MATK: variants seen among roughly 807,000 people sequenced by gnomAD.
The protein encoded by MATK is megakaryocyte-associated tyrosine kinase.
Under a neutral mutation model 59.8 loss-of-function variants are expected in MATK, and 41 were observed. The observed-to-expected ratio is 0.69, with a 90% CI of 0.53 to 0.89. The LOEUF is 0.89. Among genes scored for constraint, MATK ranks in the 40% least tolerant of loss-of-function variants. The pLI is 0.00. For missense variants in MATK, 593 were observed against 719.6 expected (o/e 0.82, Z 2.01); for synonymous variants, 308 against 306.1 (o/e 1.01, Z -0.06).
chr19:3,778,645 C>G, intron 12 of MATK, 50 bp from the exon 13 acceptor site: 1 of 1,552,996 alleles, frequency 6.4e-7, no homozygotes, highest in Non-Finnish European at 8.7e-7. Context: ...GTTTTCTGCT[C>G]CAGCCCCTGC....
At position 3,783,889 on chromosome 19, in the gene MATK, G is replaced by C. The variant is rs759720167; in HGVS notation, c.507C>G (p.Tyr169Ter). 1 of 1,613,158 alleles carries C rather than the reference G, an allele frequency of 6.2e-7. No individual in the cohort carries two copies. The highest frequency in any genetic ancestry group is 1.7e-5 in the Admixed American group (1 of 60,016). ...GGTGGCCGTCGCGGTGCAGCACGCG[G>C]TAGTGGATGACGTCGCGGCCAAAGC... is the stretch of plus-strand genomic sequence containing the variant. ...CVSFGRDVIH[Y>*]RVLHRDGHLT... The change falls in exon 6 of 14, where the codon TAC (tyrosine) becomes TAG (stop). Residue 169 changes from tyrosine (Y) to a stop codon, truncating the protein, a stop_gained. Coordinates refer to ENST00000310132, the MANE Select transcript of MATK (RefSeq NM_139355.3). LOFTEE classifies it high-confidence loss of function.
chr19:3,786,605 T>G (rs1419900431), upstream of MATK, among the ~76,000 whole-genome samples: 17 of 130,814 alleles, frequency 1.3e-4, no homozygotes. This position sits in a 1 kb window ranked among gnomAD's most constrained non-coding sequence, Gnocchi z 4.1. Flanking sequence ...GGACCGGGGG[T>G]GAGGGAGAGT....
Position 3,779,629 on chromosome 19 carries a change from G to A in MATK, c.843-12C>T. On this transcript the variant is annotated splice_polypyrimidine_tract_variant and intron_variant, in intron 9 of 13. Transcript: ENST00000310132. ...CGTGTTGCATCTTCCTGGGGGCGGT[G>A]GGGTGGGCGTGAGGGCAGGGCTGGG... The A allele has an allele frequency of 1.2e-6, 2 of 1,611,864 alleles. No individual in the cohort carries two copies. The highest frequency in any genetic ancestry group is 1.1e-5 in the South Asian group (1 of 91,042).
chr19:3,780,709 G>A (rs996290222), intron 8 of MATK, among the ~76,000 whole-genome samples: 9 of 151,804 alleles, frequency 5.9e-5, no homozygotes, highest in Non-Finnish European at 1.2e-4. Flanking sequence ...TGGGATTACA[G>A]GCATGAGCCA....
intron 8 of MATK, among the ~76,000 whole-genome samples, chr19:3,780,931 G>A (rs146243705): frequency 7.3e-5 from 11 of 149,692 alleles, no homozygotes; most frequent in African/African-American, 2.0e-4. Context: ...GTCTCGCTAC[G>A]TTGTCCAGGC....
At chr19:3,798,969 C>CT (rs1288664874) in intron 1 of MATK, among the ~76,000 whole-genome samples, 2 of 148,794 alleles carry the variant, frequency 1.3e-5, no homozygotes, top group African/African-American at 5.0e-5. Context: ...TCATACCTGG[C>CT]TATTTTTTTT....
At position 3,779,338 on chromosome 19, in the gene MATK, G is replaced by A. The variant is rs200899340; in HGVS notation, c.1001+40C>T. On this transcript the variant is annotated intron_variant, in intron 11 of 13. Coordinates refer to ENST00000310132, the MANE Select transcript of MATK (RefSeq NM_139355.3). ...TGATGGATCTTGGAATCTGCGCCCC[G>A]ACGACCCCAGTGCCGCAGCACCCTG... 2.0e-5 allele frequency: 32 copies of A among 1,605,552 alleles called. No homozygotes were observed. The African/African-American group carries it at 2.7e-4, about 13-fold the overall frequency.
At chr19:3,786,383 C>A (rs2037484975), upstream of MATK, 2 of 981,498 alleles carry the variant, frequency 2.0e-6, no homozygotes, top group African/African-American at 1.8e-5. This position sits in a 1 kb window ranked among gnomAD's most constrained non-coding sequence, Gnocchi z 4.1. Flanking sequence ...GGCCGCACTG[C>A]GGTCTCCTCC....
rs766611713 is a variant in MATK at position 3,779,772 on chromosome 19, C to T, written c.768G>A (p.Gly256=). 5.0e-6 allele frequency: 8 copies of T among 1,612,866 alleles called. No homozygotes were observed. Among genetic ancestry groups the T allele is most frequent in the Admixed American group, 1.7e-5 (1 of 60,002 alleles). The change falls in exon 9 of 14, where the codon GGG becomes GGA. Residue 256 remains glycine (G), a synonymous_variant. Coordinates refer to ENST00000310132, the MANE Select transcript of MATK (RefSeq NM_139355.3). ...FGAVLQGEYL[G]QKVAVKNIKC... ...TGATATTCTTCACGGCCACCTTTTG[C>T]CCCAGGTACTCACCCTGCAGGACAG...
chr19:3,794,963 T>C (rs1204044313), intron 1 of MATK, among the ~76,000 whole-genome samples: 3 of 150,592 alleles, frequency 2.0e-5, no homozygotes, highest in African/African-American at 7.4e-5. Flanking sequence ...ATATTACTTT[T>C]CTTTTCTTTT....
chr19:3,781,548 A>G (rs2037401928), intron 8 of MATK, 59 bp downstream of exon 8: 1 of 1,571,478 alleles, frequency 6.4e-7, no homozygotes, highest in Non-Finnish European at 8.8e-7. Context: ...TGTGACTCCA[A>G]AGCCTCAATA....
At chr19:3,783,101 G>T (rs777993895) in intron 7 of MATK, 25 bp downstream of exon 7, 9 of 1,610,504 alleles carry the variant, frequency 5.6e-6, no homozygotes, top group African/African-American at 1.3e-5. Context: ...AGGGAAGGGG[G>T]TCTGCCCTCC....
In MATK at chr19:3,785,069, G is replaced by C. The variant is rs771100523; in HGVS notation, c.67C>G (p.Pro23Ala). Residue 23 changes from proline to alanine, a missense_variant, in exon 2 of 14, where the codon CCC (proline) becomes GCC (alanine). By Grantham distance (27) the Pro-to-Ala change is conservative. Coordinates refer to ENST00000310132, the MANE Select transcript of MATK (RefSeq NM_139355.3). Reference sequence around the variant, plus strand: ...TGTGGGGAAGTGATCTTTACCCGGGGAAGTTCCTCAGCAGAATCACAGCCG... The same window carrying C: ...TGTGGGGAAGTGATCTTTACCCGGGCAAGTTCCTCAGCAGAATCACAGCCG... ...FHGCDSAEEL[P>A]RVSPRFLRAW... 6.2e-7 allele frequency: 1 copy of C among 1,614,056 alleles called. No individual in the cohort carries two copies. Among genetic ancestry groups the C allele is most frequent in the South Asian group, 1.1e-5 (1 of 91,086 alleles).
upstream of MATK, chr19:3,786,467 G>C: frequency 1.1e-6 from 1 of 902,518 alleles, no homozygotes; most frequent in Non-Finnish European, 1.3e-6. This position sits in a 1 kb window ranked among gnomAD's most constrained non-coding sequence, Gnocchi z 4.1. Flanking sequence ...CGCCCCGGGC[G>C]GGGTCCCGGG....
At chr19:3,799,153 G>C (rs1411106356) in intron 1 of MATK, among the ~76,000 whole-genome samples, 1 of 152,070 alleles carries the variant, frequency 6.6e-6, no homozygotes, top group Non-Finnish European at 1.5e-5. Flanking sequence ...CATGGCGCCT[G>C]GGTCCCTGTG....
At chr19:3,779,501 T>C in intron 10 of MATK, 32 bp downstream of exon 10, 1 of 1,610,116 alleles carries the variant, frequency 6.2e-7, no homozygotes, top group Non-Finnish European at 8.5e-7. Context: ...CTCCGCTGCG[T>C]GGGCCCCCTC....
Position 3,783,184 on chromosome 19 carries a change from C to G in MATK, c.618G>C (p.Lys206Asn). The part of the protein sequence containing the change: ...YSKDKGAICT[K>N]LVRPKRKHGT... The stretch of plus-strand genomic sequence containing the variant: ...CGTGTTTCCGCTTTGGTCTCACCAG[C>G]TTGGTGCAGATAGCGCCCTTGTCCT... The change falls in exon 7 of 14, where the codon AAG becomes AAC. Residue 206 changes from lysine (K) to asparagine (N), a missense_variant. By Grantham distance (94) the Lys-to-Asn change is moderately conservative (BLOSUM62 0). Coordinates refer to ENST00000310132, the MANE Select transcript of MATK (RefSeq NM_139355.3). 2 of 1,614,058 alleles carry G rather than the reference C, an allele frequency of 1.2e-6. No homozygotes were observed. The highest frequency in any genetic ancestry group is 1.7e-6 in the Non-Finnish European group (2 of 1,179,986).
chr19:3,779,009 C>A lies in MATK; in HGVS notation c.1180G>T (p.Glu394Ter). The change falls in exon 12 of 14, where the codon GAG becomes TAG. Residue 394 changes from glutamate (E) to a stop codon, truncating the protein, a stop_gained. Transcript: ENST00000310132. LOFTEE classifies it high-confidence loss of function. ...GGGCTCACCCCGTGTTTGAGAGCCT[C>A]GGGCGCCGTCCACTTGACGGGCAGC... ...SRLPVKWTAP[E>*]ALKHGKFTSK... 1 of 1,572,758 alleles carries A rather than the reference C, an allele frequency of 6.4e-7. No homozygotes were observed.
rs776097065 is a variant in MATK at position 3,779,581 on chromosome 19, G to C, written c.879C>G (p.Gly293=). Residue 293 remains glycine, a synonymous_variant, in exon 10 of 14, where the codon GGC becomes GGG. Coordinates refer to ENST00000310132, the MANE Select transcript of MATK (RefSeq NM_139355.3). The stretch of plus-strand genomic sequence containing the variant: ...TGTACAGCCCCTGGTGCAGGATCAC[G>C]CCCAGGAGACGCACCAGGTTCTCGT... ...MQHENLVRLL[G]VILHQGLYIV... The C allele has an allele frequency of 1.6e-5, 25 of 1,611,870 alleles. No individual in the cohort carries two copies. Among genetic ancestry groups the C allele is most frequent in the Non-Finnish European group, 2.0e-5 (24 of 1,179,464 alleles).
Sources: gnomAD v4.1 joint callset for allele counts (sites outside exome capture counted in the v4.1 genomes callset) on GRCh38, gnomAD v4.1.1 for gene constraint, Gnocchi (gnomAD v3.1) non-coding constraint, MANE v1.5 for transcripts, NCBI Gene and HGNC (gene_info 2026-07-23, HGNC 2026-07-21) for gene names.